SLX4IP: variants seen among roughly 807,000 people sequenced by gnomAD.
SLX4IP encodes the protein protein SLX4IP.
Under a neutral mutation model 32.9 loss-of-function variants are expected in SLX4IP, and 34 were observed. The ratio of observed to expected loss-of-function variants is 1.03; its 90% confidence interval spans 0.79 to 1.38. SLX4IP has a LOEUF of 1.38. Ranked by LOEUF, SLX4IP falls within the 40% of genes most tolerant of loss-of-function variation. The pLI, the probability that SLX4IP is intolerant of heterozygous loss-of-function variation, is 0.00. For synonymous variants in SLX4IP, 172 were observed against 171.7 expected, an observed-to-expected ratio of 1.00 and a Z score of -0.01; for missense variants, 444 against 479.0, an observed-to-expected ratio of 0.93 and a Z score of 0.68.
intron 2 of SLX4IP, among the ~76,000 whole-genome samples, chr20:10,500,189 C>A (rs1022588558): frequency 8.0e-6 from 1 of 124,556 alleles, no homozygotes; most frequent in Non-Finnish European, 1.6e-5. Flanking sequence ...GGCTGGAGTG[C>A]AATGGTGCAA....
rs372609342 is a variant in SLX4IP at position 10,572,769 on chromosome 20, A to G, written c.238+11949A>G. On this transcript the variant is annotated intron_variant, in intron 4 of 7. Transcript: ENST00000334534. ...ATGCTTCTCTAAAATCTTAGCTTAT[A>G]TCTGTAGCCAAAGTACCTAGCCCTC... is the stretch of plus-strand genomic sequence containing the variant. 1.2e-4 allele frequency among the ~76,000 whole-genome samples: 18 copies of G among 152,260 alleles called. No homozygotes were observed. In the East Asian group the frequency reaches 3.5e-3, roughly 29 times the overall value.
In SLX4IP at chr20:10,627,758, A is replaced by C. The variant is rs962615519; in HGVS notation, c.*4379A>C. ...AAAAATGTTAATTCTTTGCTTGAGC[A>C]AAAATCAATAAAACCTTATGTTTGA... is the stretch of plus-strand genomic sequence containing the variant. On this transcript the variant is annotated 3_prime_UTR_variant, in exon 8 of 8. Transcript: ENST00000334534. 4 of 152,248 alleles carry C rather than the reference A, an allele frequency of 2.6e-5. No homozygotes were observed. Among genetic ancestry groups the C allele is most frequent in the African/African-American group, 9.6e-5 (4 of 41,480 alleles). The allele number at this position is 152,248 out of a possible 1,614,324, so 9.4% of individuals were successfully genotyped here. A position where few individuals can be genotyped will look rare whatever the true frequency, so the allele number is the denominator to read the frequency against.
rs1338725076 is a variant in SLX4IP at position 10,616,386 on chromosome 20, A to AATG, written c.406-4927_406-4926insTGA. Among the ~76,000 whole-genome samples, 924 of 111,048 alleles carry AATG rather than the reference A, an allele frequency of 8.3e-3. 7 individuals are homozygous for AATG. Among genetic ancestry groups the AATG allele is most frequent in the African/African-American group, 0.033 (883 of 26,672 alleles). The allele number at this position is 111,048 out of a possible 152,430, so 72.9% of individuals were successfully genotyped here. A position where few individuals can be genotyped will look rare whatever the true frequency, so the allele number is the denominator to read the frequency against. On this transcript the variant is annotated intron_variant, in intron 6 of 7. Coordinates refer to ENST00000334534, the MANE Select transcript of SLX4IP (RefSeq NM_001009608.3). ...TTTAAAATGTCAAGTCCCAAAAAAAAAAATGAAATAAATAAATAAATAAAT... is the reference window on the plus strand; with the variant it reads ...TTTAAAATGTCAAGTCCCAAAAAAAAATGAAATGAAATAAATAAATAAATAAAT...
intron 6 of SLX4IP, among the ~76,000 whole-genome samples, chr20:10,619,217 C>CTTT (rs59741153): frequency 2.4e-5 from 3 of 126,642 alleles, no homozygotes; most frequent in Non-Finnish European, 5.0e-5. Context: ...CTTTTTTTTT[C>CTTT]TTTTTTTTTT....
intron 2 of SLX4IP, among the ~76,000 whole-genome samples, chr20:10,496,679 G>A (rs149177318): frequency 3.3e-4 from 50 of 152,100 alleles, no homozygotes; most frequent in Non-Finnish European, 5.3e-4. Context: ...AAAAAAAAAG[G>A]CGTGCTCACT....
chr20:10,577,941 T>C (rs1312774859), intron 4 of SLX4IP, among the ~76,000 whole-genome samples: 1 of 152,242 alleles, frequency 6.6e-6, no homozygotes, highest in Non-Finnish European at 1.5e-5. Flanking sequence ...ATCTCGTTTT[T>C]TAAATCTCAG....
In SLX4IP at chr20:10,556,340, T is replaced by C; in HGVS notation, c.117+20T>C. 1 of 1,603,346 alleles carries C rather than the reference T, an allele frequency of 6.2e-7. No individual in the cohort carries two copies. The highest frequency in any genetic ancestry group is 8.5e-7 in the Non-Finnish European group (1 of 1,173,010). ...AAAGAGGTACAACAAAACTTTCTACTATTTAATTGCAAGTAGCTGCTGCTG... is the reference window on the plus strand; with the variant it reads ...AAAGAGGTACAACAAAACTTTCTACCATTTAATTGCAAGTAGCTGCTGCTG... On this transcript the variant is annotated intron_variant, in intron 3 of 7. Coordinates refer to ENST00000334534, the MANE Select transcript of SLX4IP (RefSeq NM_001009608.3).
At chr20:10,505,980 C>T (rs1162982891) in intron 2 of SLX4IP, among the ~76,000 whole-genome samples, 1 of 152,098 alleles carries the variant, frequency 6.6e-6, no homozygotes, top group African/African-American at 2.4e-5. Context: ...ACTTCAGGAC[C>T]ACACACAGAT....
intron 2 of SLX4IP, among the ~76,000 whole-genome samples, chr20:10,553,060 G>A (rs1489461467): frequency 1.3e-5 from 2 of 152,052 alleles, no homozygotes; most frequent in African/African-American, 4.8e-5. Context: ...TGAATTCAGA[G>A]GCCAGTGAAC....
chr20:10,616,244 A>G (rs1021769131), intron 6 of SLX4IP, among the ~76,000 whole-genome samples: 3 of 151,864 alleles, frequency 2.0e-5, no homozygotes, highest in African/African-American at 7.3e-5. Flanking sequence ...ACTGCTCCCC[A>G]AGGAGCAGGC....
chr20:10,522,877 C>T (rs2065911470), intron 2 of SLX4IP, among the ~76,000 whole-genome samples: 1 of 152,186 alleles, frequency 6.6e-6, no homozygotes, highest in Non-Finnish European at 1.5e-5. Flanking sequence ...GTTGCTTGGG[C>T]CTTCTGTGAA....
At chr20:10,553,568 T>G (rs544153575) in intron 2 of SLX4IP, among the ~76,000 whole-genome samples, 1 of 152,338 alleles carries the variant, frequency 6.6e-6, no homozygotes, top group Admixed American at 6.5e-5. Flanking sequence ...AGCATACTCC[T>G]TAAAGGTTAA....
intron 2 of SLX4IP, among the ~76,000 whole-genome samples, chr20:10,494,074 G>A (rs1200898732): frequency 6.6e-6 from 1 of 151,512 alleles, no homozygotes; most frequent in Non-Finnish European, 1.5e-5. Context: ...TTTAGTAGAT[G>A]TGTTGATCTT....
At position 10,626,575 on chromosome 20, in the gene SLX4IP, G is replaced by A. The variant is rs2067176118; in HGVS notation, c.*3196G>A. 6.6e-6 allele frequency: 1 copy of A among 152,126 alleles called. No individual in the cohort carries two copies. The highest frequency in any genetic ancestry group is 2.1e-4 in the South Asian group (1 of 4,822). 9.4% of individuals were successfully genotyped at this position (152,126 alleles called of 1,614,324 possible). ...AGCCACTTCCATGTGCTTTCAGATG[G>A]CATCTTAATAGATTGGTGTTGAGGT... On this transcript the variant is annotated 3_prime_UTR_variant, in exon 8 of 8. Coordinates refer to ENST00000334534, the MANE Select transcript of SLX4IP (RefSeq NM_001009608.3).
intron 2 of SLX4IP, among the ~76,000 whole-genome samples, chr20:10,496,733 A>T (rs558852804): frequency 1.3e-5 from 2 of 152,118 alleles, no homozygotes; most frequent in East Asian, 3.9e-4. Context: ...TTCTGGGAGT[A>T]GCACCCAAGG....
chr20:10,542,726 GT>G (rs1437375063), intron 2 of SLX4IP, among the ~76,000 whole-genome samples: 1 of 152,046 alleles, frequency 6.6e-6, no homozygotes, highest in Non-Finnish European at 1.5e-5. Context: ...TGGGCTGTTA[GT>G]TTTTTGGAGC....
At chr20:10,450,963 A>G (rs950153369) in intron 1 of SLX4IP, among the ~76,000 whole-genome samples, 1 of 152,106 alleles carries the variant, frequency 6.6e-6, no homozygotes, top group African/African-American at 2.4e-5. Context: ...CGTGTTAGCC[A>G]GGATGGTCTC....
chr20:10,524,168 C>G (rs1352741027), intron 2 of SLX4IP, among the ~76,000 whole-genome samples: 1 of 152,208 alleles, frequency 6.6e-6, no homozygotes, highest in African/African-American at 2.4e-5. Context: ...GAGCTGCAGG[C>G]CTCATGGGGT....
At chr20:10,600,054 G>GT (rs1349933573) in intron 5 of SLX4IP, among the ~76,000 whole-genome samples, 1 of 151,822 alleles carries the variant, frequency 6.6e-6, no homozygotes, top group African/African-American at 2.4e-5. Context: ...ATTTTTTTAG[G>GT]GGGGGGAGGT....
Sources: gnomAD v4.1 joint callset for allele counts (sites outside exome capture counted in the v4.1 genomes callset) on GRCh38, gnomAD v4.1.1 for gene constraint, MANE v1.5 for transcripts, NCBI Gene and HGNC (gene_info 2026-07-23, HGNC 2026-07-21) for gene names.